SGCZ: variants seen among roughly 807,000 people sequenced by gnomAD.
SGCZ encodes zeta-sarcoglycan.
A neutral mutation model predicts 41.3 loss-of-function variants in SGCZ; 40 were observed. The ratio of observed to expected loss-of-function variants is 0.97; its 90% CI spans 0.75 to 1.26. The LOEUF (loss-of-function observed/expected upper bound fraction) is 1.26, where lower values mean the gene tolerates loss of function less well. SGCZ is among the 50% of genes most tolerant of loss of function. SGCZ has a pLI of 0.00. For missense variants in SGCZ, 552 were observed against 369.8 expected (o/e 1.49, Z -4.04); for synonymous variants, 206 against 137.5 (o/e 1.50, Z -3.49).
At chr8:14,969,658 G>A (rs1801230253) in intron 1 of SGCZ, among the ~76,000 whole-genome samples, 1 of 151,692 alleles carries the variant, frequency 6.6e-6, no homozygotes, top group South Asian at 2.1e-4. Flanking sequence ...TTCCTTGTCT[G>A]GCTTCTTTCA....
intron 1 of SGCZ, among the ~76,000 whole-genome samples, chr8:14,835,201 G>T (rs76717356): frequency 1.3e-5 from 2 of 152,100 alleles, no homozygotes; most frequent in East Asian, 3.9e-4. Context: ...AGGAAAGATG[G>T]TTAGCCCCTC....
intron 2 of SGCZ, among the ~76,000 whole-genome samples, chr8:14,454,420 G>C (rs1360635901): frequency 1.3e-5 from 2 of 152,090 alleles, no homozygotes; most frequent in Non-Finnish European, 2.9e-5. Flanking sequence ...GAAAATATTT[G>C]ATAGTCATTT....
At chr8:14,693,587 T>C (rs1808869142) in intron 1 of SGCZ, among the ~76,000 whole-genome samples, 2 of 133,174 alleles carry the variant, frequency 1.5e-5, no homozygotes, top group African/African-American at 2.9e-5. Flanking sequence ...ACTGGCTTTT[T>C]TTTTTTTTTT....
intron 1 of SGCZ, among the ~76,000 whole-genome samples, chr8:15,120,223 C>T (rs996666607): frequency 6.6e-6 from 1 of 152,202 alleles, no homozygotes; most frequent in Non-Finnish European, 1.5e-5. Flanking sequence ...GATTTAAAAA[C>T]TCCTACAGTT....
chr8:14,972,672 T>G (rs1801339521), intron 1 of SGCZ, among the ~76,000 whole-genome samples: 1 of 152,182 alleles, frequency 6.6e-6, no homozygotes. Context: ...TATCGTTATT[T>G]TAGAGGCTGC....
At chr8:14,248,667 C>A (rs940417314) in intron 3 of SGCZ, among the ~76,000 whole-genome samples, 2 of 151,758 alleles carry the variant, frequency 1.3e-5, no homozygotes, top group Non-Finnish European at 2.9e-5. Flanking sequence ...AAATGGAGAG[C>A]TTAAGAGAAA....
At chr8:14,139,182 A>C (rs1392796566) in intron 5 of SGCZ, among the ~76,000 whole-genome samples, 1 of 152,254 alleles carries the variant, frequency 6.6e-6, no homozygotes, top group African/African-American at 2.4e-5. Context: ...TCACTGGGAC[A>C]CATTTAAAGC....
chr8:14,486,642 C>G (rs141631273), intron 2 of SGCZ, among the ~76,000 whole-genome samples: 3 of 152,190 alleles, frequency 2.0e-5, no homozygotes, highest in African/African-American at 7.2e-5. Flanking sequence ...GGCACCATCA[C>G]GGCTCACTGC....
chr8:14,857,433 T>C (rs1008536982), intron 1 of SGCZ, among the ~76,000 whole-genome samples: 2 of 152,248 alleles, frequency 1.3e-5, no homozygotes, highest in Non-Finnish European at 2.9e-5. Flanking sequence ...CCCAATACTC[T>C]ATAATGAGCT....
At chr8:14,337,482 T>C (rs1408488935) in intron 2 of SGCZ, among the ~76,000 whole-genome samples, 1 of 152,074 alleles carries the variant, frequency 6.6e-6, no homozygotes, top group African/African-American at 2.4e-5. Context: ...AATTTTACTA[T>C]TGGAAAGGAC....
intron 1 of SGCZ, among the ~76,000 whole-genome samples, chr8:15,059,846 T>G (rs1804851644): frequency 6.6e-6 from 1 of 152,180 alleles, no homozygotes; most frequent in African/African-American, 2.4e-5. Flanking sequence ...TCCAAGGTCT[T>G]TTCATCCTTT....
Position 14,554,795 on chromosome 8 carries a change from C to A in SGCZ, c.171G>T (p.Leu57Phe), listed in dbSNP as rs769190048. 68 of 1,612,902 alleles carry A rather than the reference C, an allele frequency of 4.2e-5. No individual in the cohort carries two copies. Among genetic ancestry groups the A allele is most frequent in the South Asian group, 1.9e-4 (17 of 91,048 alleles). ...RCLYFFVLLL[L>F]VTMIVNLAMT... ...TGGCTAAGTTAACTATCATGGTAAC[C>A]AACAGCAGAAGGACAAAGAAGTATA... The change falls in exon 2 of 8, where the codon TTG (leucine) becomes TTT (phenylalanine). Residue 57 changes from leucine to phenylalanine, a missense_variant. Transcript: ENST00000382080.
chr8:15,085,527 G>T (rs950091479), intron 1 of SGCZ, among the ~76,000 whole-genome samples: 5 of 152,100 alleles, frequency 3.3e-5, no homozygotes, highest in African/African-American at 1.2e-4. Flanking sequence ...GGAGGATGTG[G>T]GATATGACAT....
intron 2 of SGCZ, among the ~76,000 whole-genome samples, chr8:14,360,975 T>C (rs1412849147): frequency 6.6e-6 from 1 of 152,196 alleles, no homozygotes; most frequent in South Asian, 2.1e-4. Flanking sequence ...TATTTTATAT[T>C]AGCATTCTGA....
intron 2 of SGCZ, among the ~76,000 whole-genome samples, chr8:14,447,127 C>T (rs1800455474): frequency 6.6e-6 from 1 of 152,110 alleles, no homozygotes; most frequent in Non-Finnish European, 1.5e-5. Flanking sequence ...CAACCTTCTA[C>T]AATAGGCCAA....
chr8:14,836,173 G>A (rs534740973), intron 1 of SGCZ, among the ~76,000 whole-genome samples: 22 of 150,416 alleles, frequency 1.5e-4, no homozygotes, highest in Non-Finnish European at 2.4e-4. Context: ...TTTAATCTCA[G>A]AGGGGTCCAT....
intron 1 of SGCZ, among the ~76,000 whole-genome samples, chr8:14,681,999 C>T (rs9918824): frequency 0.34 from 52,133 of 151,886 alleles, 11,475 homozygotes; most frequent in African/African-American, 0.63. Flanking sequence ...TAACAGAGAA[C>T]GAATTTGAAG....
chr8:14,734,217 G>C (rs1798959468), intron 1 of SGCZ, among the ~76,000 whole-genome samples: 2 of 152,078 alleles, frequency 1.3e-5, no homozygotes, highest in South Asian at 4.1e-4. Flanking sequence ...AATACGACAA[G>C]ATTATATTGT....
At chr8:14,672,109 C>G (rs759570020) in intron 1 of SGCZ, among the ~76,000 whole-genome samples, 1 of 151,978 alleles carries the variant, frequency 6.6e-6, no homozygotes, top group Non-Finnish European at 1.5e-5. Flanking sequence ...ATAAATAATG[C>G]GGGAATTTAA....
Sources: allele counts gnomAD v4.1 joint callset (sites outside exome capture counted in the v4.1 genomes callset), GRCh38; gene constraint gnomAD v4.1.1; transcripts MANE v1.5; gene names NCBI Gene and HGNC (gene_info 2026-07-23, HGNC 2026-07-21).